PCSK2: variants seen among roughly 807,000 people sequenced by gnomAD.
PCSK2 encodes proprotein convertase subtilisin/kexin type 2.
PCSK2 carries 14 observed loss-of-function variants against 69.7 expected under a neutral mutation model. That is an observed-to-expected ratio of 0.20 (90% confidence interval 0.13 to 0.31). The LOEUF (loss-of-function observed/expected upper bound fraction) is 0.31, where lower values mean the gene tolerates loss of function less well. Among genes scored for constraint, PCSK2 ranks in the 10% least tolerant of loss-of-function variants. The pLI is 1.00. For synonymous variants in PCSK2, 307 were observed against 320.7 expected (o/e 0.96, Z 0.46); for missense variants, 544 against 842.5 (o/e 0.65, Z 4.39).
intron 2 of PCSK2, among the ~76,000 whole-genome samples, chr20:17,297,626 G>A (rs1405801160): frequency 2.0e-5 from 3 of 152,160 alleles, no homozygotes; most frequent in South Asian, 2.1e-4. Context: ...TGGCAAGAGC[G>A]GTTTATATAC....
At chr20:17,458,167 C>G (rs765695660) in intron 10 of PCSK2, among the ~76,000 whole-genome samples, 1 of 152,170 alleles carries the variant, frequency 6.6e-6, no homozygotes. Flanking sequence ...AAGTCCATCA[C>G]GGGAGCCGGT....
At chr20:17,322,013 GGGAAGAAAA>G (rs1989883288) in intron 2 of PCSK2, among the ~76,000 whole-genome samples, 1 of 151,820 alleles carries the variant, frequency 6.6e-6, no homozygotes, top group South Asian at 2.1e-4. Flanking sequence ...ACCAATGTTA[GGGAAGAAAA>G]CTAACACTGG....
intron 7 of PCSK2, among the ~76,000 whole-genome samples, 191 bp downstream of exon 7, chr20:17,429,714 T>C (rs1486612464): frequency 6.6e-6 from 1 of 152,164 alleles, no homozygotes; most frequent in African/African-American, 2.4e-5. Context: ...TTAAGCATAA[T>C]ATAAATTCAA....
chr20:17,303,447 ATAT>A (rs558847353), intron 2 of PCSK2, among the ~76,000 whole-genome samples: 996 of 66,992 alleles, frequency 0.015, 44 homozygotes, highest in African/African-American at 0.051. Flanking sequence ...AATATAATAT[ATAT>A]TATATTAAAT....
rs200995956 is a variant in PCSK2, at chr20:17,413,701, T to A, written c.620+4362T>A. Among the ~76,000 whole-genome samples, 272 of 152,200 alleles carry A rather than the reference T, an allele frequency of 1.8e-3. 2 individuals carry two copies. Among genetic ancestry groups the A allele is most frequent in the African/African-American group, 6.3e-3 (263 of 41,540 alleles). Reference sequence around the variant, plus strand: ...GTGGACCTAATAGACATCTACAGAATTCTCCACCCCAAATCAACAGAATAT... The same window carrying A: ...GTGGACCTAATAGACATCTACAGAAATCTCCACCCCAAATCAACAGAATAT... On this transcript the variant is annotated intron_variant, in intron 6 of 11. Transcript: ENST00000262545.
rs141635252 is a variant in PCSK2 at position 17,445,624 on chromosome 20, C to T, written c.886-8118C>T. 2.5e-4 allele frequency among the ~76,000 whole-genome samples: 38 copies of T among 152,254 alleles called. No homozygotes were observed. The East Asian group carries it at 3.7e-3, about 15-fold the overall frequency. On this transcript the variant is annotated intron_variant, in intron 8 of 11. Transcript: ENST00000262545. ...GAGACAGTGATTAATCAGGCATGGG[C>T]GAGGGGAGGCCACAGTGCCTCCTGC...
chr20:17,428,384 T>C (rs1017299773), intron 6 of PCSK2, among the ~76,000 whole-genome samples: 2 of 150,370 alleles, frequency 1.3e-5, no homozygotes, highest in Non-Finnish European at 3.0e-5. Context: ...AGGATTTACT[T>C]TGACTCATAC....
At chr20:17,306,444 C>A (rs995533188) in intron 2 of PCSK2, among the ~76,000 whole-genome samples, 3 of 152,170 alleles carry the variant, frequency 2.0e-5, no homozygotes, top group African/African-American at 4.8e-5. Context: ...TGGTCCCAGG[C>A]AGGCAATAAC....
intron 11 of PCSK2, among the ~76,000 whole-genome samples, chr20:17,477,379 A>G (rs1205374909): frequency 6.6e-6 from 1 of 151,924 alleles, no homozygotes; most frequent in African/African-American, 2.4e-5. Context: ...AATATTTATT[A>G]TATTTTAACT....
chr20:17,344,014 A>G (rs1990581417), intron 2 of PCSK2, among the ~76,000 whole-genome samples: 1 of 152,252 alleles, frequency 6.6e-6, no homozygotes, highest in Non-Finnish European at 1.5e-5. Flanking sequence ...TGCCCACTGC[A>G]GGATGAAAAG....
intron 11 of PCSK2, among the ~76,000 whole-genome samples, chr20:17,478,061 A>G (rs2033322733): frequency 6.6e-6 from 1 of 152,190 alleles, no homozygotes; most frequent in Non-Finnish European, 1.5e-5. Flanking sequence ...ACTGATAATA[A>G]GGCCTTTAAC....
intron 2 of PCSK2, among the ~76,000 whole-genome samples, chr20:17,273,066 T>C (rs371067111): frequency 6.6e-6 from 1 of 152,108 alleles, no homozygotes; most frequent in African/African-American, 2.4e-5. Context: ...CCAAAATCAA[T>C]GGGTAATTGT....
intron 2 of PCSK2, among the ~76,000 whole-genome samples, chr20:17,279,334 T>C (rs1361434641): frequency 6.6e-6 from 1 of 152,154 alleles, no homozygotes; most frequent in Non-Finnish European, 1.5e-5. Context: ...CATTGGGAGG[T>C]CAAGATCATT....
chr20:17,371,977 G>A (rs2030777823), intron 5 of PCSK2, among the ~76,000 whole-genome samples: 2 of 152,150 alleles, frequency 1.3e-5, no homozygotes, highest in South Asian at 4.1e-4. Context: ...GGCACATTGA[G>A]TATGTTTTCA....
intron 11 of PCSK2, among the ~76,000 whole-genome samples, chr20:17,481,299 T>A (rs959154427): frequency 6.7e-6 from 1 of 148,506 alleles, no homozygotes; most frequent in Admixed American, 6.8e-5. Context: ...TGAGAATCAC[T>A]TGAACCCAGG....
chr20:17,444,379 C>A (rs1472308128), intron 8 of PCSK2, among the ~76,000 whole-genome samples: 3 of 152,218 alleles, frequency 2.0e-5, no homozygotes, highest in Non-Finnish European at 2.9e-5. Flanking sequence ...ACCTACCTGA[C>A]TCCTTAGGGA....
At chr20:17,257,331 T>C (rs1341749935) in intron 1 of PCSK2, among the ~76,000 whole-genome samples, 2 of 152,216 alleles carry the variant, frequency 1.3e-5, no homozygotes, top group Non-Finnish European at 2.9e-5. Context: ...GTGGTTAGTG[T>C]AAATTAGTTC....
intron 2 of PCSK2, among the ~76,000 whole-genome samples, chr20:17,310,387 T>C (rs904636920): frequency 2.0e-5 from 3 of 152,168 alleles, no homozygotes; most frequent in Non-Finnish European, 4.4e-5. Context: ...GATAATATTT[T>C]CTTATGTGGA....
intron 5 of PCSK2, among the ~76,000 whole-genome samples, chr20:17,399,996 T>C (rs558069412): frequency 3.0e-4 from 46 of 152,272 alleles, no homozygotes; most frequent in South Asian, 2.9e-3. Context: ...TATTTGCTGG[T>C]TTAGGCCTCA....
Sources: gnomAD v4.1 joint callset for allele counts (sites outside exome capture counted in the v4.1 genomes callset) on GRCh38, gnomAD v4.1.1 for gene constraint, MANE v1.5 for transcripts, NCBI Gene and HGNC (gene_info 2026-07-23, HGNC 2026-07-21) for gene names.